Variants in DESI2 observed in about 807,000 individuals in gnomAD.
DESI2 encodes deubiquitinase DESI2.
Under a neutral mutation model 24.1 loss-of-function variants are expected in DESI2, and 10 were observed. The observed-to-expected ratio is 0.41, with a 90% CI of 0.26 to 0.70. The LOEUF (loss-of-function observed/expected upper bound fraction) is 0.70. Among genes scored for constraint, DESI2 ranks in the 30% least tolerant of loss-of-function variants. The probability of loss-of-function intolerance (pLI) is 0.29; values close to 1 mark genes in which losing one functional copy is unlikely to be tolerated. For synonymous variants in DESI2, 71 were observed against 87.7 expected (o/e 0.81, Z 1.06); for missense variants, 122 against 234.9 (o/e 0.52, Z 3.14).
At chr1:244,673,752 A>T (rs978418635) in intron 1 of DESI2, among the ~76,000 whole-genome samples, 1 of 152,166 alleles carries the variant, frequency 6.6e-6, no homozygotes, top group South Asian at 2.1e-4. Flanking sequence ...TAATAAAAAC[A>T]GGGAAATGGA....
At chr1:244,663,300 C>CCA in intron 1 of DESI2, among the ~76,000 whole-genome samples, 1 of 152,058 alleles carries the variant, frequency 6.6e-6, no homozygotes, top group East Asian at 1.9e-4. Flanking sequence ...CCTCAGTCTT[C>CCA]TGAGTAGCTG....
Position 244,689,454 on chromosome 1 carries a change from CTT to C in DESI2, c.209+114_209+115del, listed in dbSNP as rs1558663502. On this transcript the variant is annotated intron_variant, in intron 3 of 4. Coordinates refer to ENST00000302550, the MANE Select transcript of DESI2 (RefSeq NM_016076.5). The surrounding 1 kb of genome is among the most constrained non-coding windows in gnomAD (Gnocchi z 4.0). ...CAAACCCAAGAAGTTAAAAATGTCT[CTT>C]TGTTTTAATTGCTGACATTTTATAT... The C allele has an allele frequency of 6.8e-6, 4 of 587,524 alleles. No homozygotes were observed. The South Asian group carries it at 7.4e-5, about 11-fold the overall frequency. 36.4% of individuals were successfully genotyped at this position (587,524 alleles called of 1,614,324 possible).
rs1472621012 is a variant in DESI2, at chr1:244,686,662, T to C, written c.108T>C (p.Tyr36=). The change falls in exon 2 of 5, where the codon TAT becomes TAC. Residue 36 remains tyrosine (Y), a synonymous_variant. Transcript: ENST00000302550. ...TTTTTCATTCAGGAATTGAAGTCTATGGCAGAGGTACGTGTACACACAGTC... is the reference window on the plus strand; with the variant it reads ...TTTTTCATTCAGGAATTGAAGTCTACGGCAGAGGTACGTGTACACACAGTC... ...IGVFHSGIEV[Y]GREFAYGGHP... is the part of the protein sequence containing the mutation. 6.2e-7 allele frequency: 1 copy of C among 1,601,198 alleles called. No homozygotes were observed.
intron 1 of DESI2, among the ~76,000 whole-genome samples, chr1:244,671,248 C>T (rs1170135362): frequency 6.6e-6 from 1 of 152,042 alleles, no homozygotes; most frequent in Non-Finnish European, 1.5e-5. Flanking sequence ...GTGTAATCTC[C>T]GAGGGATGAT....
chr1:244,676,384 G>A (rs951540570), intron 1 of DESI2, among the ~76,000 whole-genome samples: 3 of 151,876 alleles, frequency 2.0e-5, no homozygotes, highest in Admixed American at 1.3e-4. Context: ...GCCTACAATC[G>A]ATTTTTATAT....
intron 1 of DESI2, among the ~76,000 whole-genome samples, chr1:244,683,814 G>T (rs191080564): frequency 4.6e-5 from 7 of 151,174 alleles, no homozygotes; most frequent in African/African-American, 1.7e-4. Context: ...TCAAACTCCC[G>T]GGCTCAGTTC....
intron 1 of DESI2, among the ~76,000 whole-genome samples, chr1:244,675,843 A>G (rs538403223): frequency 1.3e-3 from 197 of 152,314 alleles, no homozygotes; most frequent in African/African-American, 4.5e-3. Context: ...GTGAATCTTC[A>G]GGTCAACTTG....
intron 4 of DESI2, among the ~76,000 whole-genome samples, chr1:244,704,486 G>C (rs768918378): frequency 1.2e-4 from 18 of 152,188 alleles, no homozygotes; most frequent in Non-Finnish European, 2.1e-4. Flanking sequence ...TATAAGGACA[G>C]GAAGTGGGCA....
intron 1 of DESI2, among the ~76,000 whole-genome samples, chr1:244,683,023 G>GT (rs1676672906): frequency 6.6e-6 from 1 of 152,198 alleles, no homozygotes; most frequent in South Asian, 2.1e-4. Flanking sequence ...TGCAGCCAGG[G>GT]AGCAGGGTGG....
At chr1:244,672,495 A>T (rs1157279520) in intron 1 of DESI2, among the ~76,000 whole-genome samples, 1 of 152,176 alleles carries the variant, frequency 6.6e-6, no homozygotes, top group Non-Finnish European at 1.5e-5. Flanking sequence ...TAAATTACCC[A>T]GTCTCAGGTA....
chr1:244,691,254 A>G (rs1677018377), intron 3 of DESI2, among the ~76,000 whole-genome samples: 2 of 152,178 alleles, frequency 1.3e-5, no homozygotes, highest in Admixed American at 1.3e-4. Flanking sequence ...ATGCCCGACT[A>G]ATTTTTGTAT....
At chr1:244,703,881 A>G (rs1245507948) in intron 4 of DESI2, among the ~76,000 whole-genome samples, 1 of 151,918 alleles carries the variant, frequency 6.6e-6, no homozygotes, top group Non-Finnish European at 1.5e-5. Context: ...GATGGTCTCG[A>G]TCTCCTGACC....
chr1:244,695,207 CT>C (rs1187572338), intron 4 of DESI2, among the ~76,000 whole-genome samples: 1 of 152,174 alleles, frequency 6.6e-6, no homozygotes, highest in African/African-American at 2.4e-5. Flanking sequence ...CAGTGGAACT[CT>C]TTCTGGAACT....
intron 1 of DESI2, 130 bp downstream of exon 1, chr1:244,653,485 CGGGGGTGAAGGAGGGA>C: frequency 1.1e-6 from 1 of 925,638 alleles, no homozygotes; most frequent in Non-Finnish European, 1.6e-6. Flanking sequence ...CGGGGGAAGC[CGGGGGTGAAGGAGGGA>C]GTATTGTTAT....
At position 244,680,036 on chromosome 1, in the gene DESI2, T is replaced by TTTTA. The variant is rs1553403558; in HGVS notation, c.43-6561_43-6560insTTTA. On this transcript the variant is annotated intron_variant, in intron 1 of 4. Transcript: ENST00000302550. The stretch of plus-strand genomic sequence containing the variant: ...CTTTTTAGCCTTTTTTTTTTTTTTT[T>TTTTA]AAACAAAAAATCTAGGATCCAGTCG... 1.5e-3 allele frequency among the ~76,000 whole-genome samples: 217 copies of TTTTA among 142,450 alleles called. 2 individuals are homozygous for TTTTA. The highest frequency in any genetic ancestry group is 3.3e-3 in the African/African-American group (129 of 39,078). The allele number at this position is 142,450 out of a possible 152,430, so 93.5% of individuals were successfully genotyped here.
chr1:244,677,558 G>A (rs1050119828), intron 1 of DESI2, among the ~76,000 whole-genome samples: 1 of 152,058 alleles, frequency 6.6e-6, no homozygotes, highest in East Asian at 1.9e-4. Context: ...AATAAGCAAC[G>A]TCAACATTAA....
intron 1 of DESI2, among the ~76,000 whole-genome samples, chr1:244,685,639 G>C (rs896637518): frequency 2.0e-5 from 3 of 152,196 alleles, no homozygotes; most frequent in African/African-American, 7.2e-5. Flanking sequence ...CAATGCGTGA[G>C]AATGTGTGTA....
intron 1 of DESI2, among the ~76,000 whole-genome samples, chr1:244,655,282 AT>A (rs1348966514): frequency 2.0e-5 from 3 of 152,206 alleles, no homozygotes; most frequent in African/African-American, 7.2e-5. Context: ...ACAATCTAGA[AT>A]TTGTAGACCA....
chr1:244,672,653 C>T (rs1289459727), intron 1 of DESI2, among the ~76,000 whole-genome samples: 3 of 152,030 alleles, frequency 2.0e-5, no homozygotes, highest in Non-Finnish European at 4.4e-5. Context: ...CCAAGGCGGG[C>T]GGATCACGAG....
Sources: allele counts gnomAD v4.1 joint callset (sites outside exome capture counted in the v4.1 genomes callset), GRCh38; gene constraint gnomAD v4.1.1; non-coding constraint Gnocchi (gnomAD v3.1); transcripts MANE v1.5; gene names NCBI Gene and HGNC (gene_info 2026-07-23, HGNC 2026-07-21).